The following ROBO1 variants were observed in gnomAD, a reference collection of about 807,000 sequenced individuals.
ROBO1 encodes roundabout homolog 1.
A neutral mutation model predicts 195.9 loss-of-function variants in ROBO1; 149 were observed. That is an observed-to-expected ratio of 0.76 (90% confidence interval 0.67 to 0.87). ROBO1 has a LOEUF of 0.87. Among genes scored for constraint, ROBO1 ranks in the 40% least tolerant of loss-of-function variants. The pLI is 0.00. For synonymous variants in ROBO1, 816 were observed against 733.2 expected, an observed-to-expected ratio of 1.11 and a Z score of -1.82; for missense variants, 1,933 against 2,068.3, an observed-to-expected ratio of 0.93 and a Z score of 1.27.
chr3:79,298,789 G>A (rs550901377), intron 2 of ROBO1, among the ~76,000 whole-genome samples: 1 of 152,060 alleles, frequency 6.6e-6, no homozygotes, highest in African/African-American at 2.4e-5. Flanking sequence ...AAATAATTTG[G>A]ATTTTATTTA....
chr3:79,173,927 A>G lies in ROBO1; in HGVS notation c.89-48388T>C, dbSNP rs1022021036. 1.6e-4 allele frequency among the ~76,000 whole-genome samples: 25 copies of G among 152,206 alleles called. 1 individual carries two copies. Among genetic ancestry groups the G allele is most frequent in the Middle Eastern group, 6.8e-3 (2 of 294 alleles). ...TAGCTCAGGGTTTGTGAATGCACCAATTGACACTCTGTATCTAGCTACTCT... is the reference window on the plus strand; with the variant it reads ...TAGCTCAGGGTTTGTGAATGCACCAGTTGACACTCTGTATCTAGCTACTCT... On this transcript the variant is annotated intron_variant, in intron 2 of 30. Coordinates refer to ENST00000464233, the MANE Select transcript of ROBO1 (RefSeq NM_002941.4).
chr3:79,362,854 C>CT (rs1274997435), intron 2 of ROBO1, among the ~76,000 whole-genome samples: 3 of 152,228 alleles, frequency 2.0e-5, no homozygotes, highest in African/African-American at 7.2e-5. Context: ...AACTCAAATG[C>CT]TGGGATGATA....
intron 3 of ROBO1, among the ~76,000 whole-genome samples, chr3:78,953,051 T>A (rs184422555): frequency 2.0e-4 from 30 of 152,146 alleles, no homozygotes; most frequent in African/African-American, 7.2e-4. Context: ...CCCAGAGATA[T>A]GAAAAAGATT....
chr3:78,970,019 G>T (rs1294744920), intron 3 of ROBO1, among the ~76,000 whole-genome samples: 2 of 152,058 alleles, frequency 1.3e-5, no homozygotes, highest in Non-Finnish European at 2.9e-5. Flanking sequence ...GAAAGAGAAT[G>T]ACCTACAAAT....
At chr3:79,182,086 T>A (rs1204168487) in intron 2 of ROBO1, among the ~76,000 whole-genome samples, 4 of 152,142 alleles carry the variant, frequency 2.6e-5, no homozygotes, top group African/African-American at 4.8e-5. Flanking sequence ...TTGTTTGTAT[T>A]TATCTTTGCT....
chr3:79,397,228 A>G (rs2106755499), intron 2 of ROBO1, among the ~76,000 whole-genome samples: 1 of 150,558 alleles, frequency 6.6e-6, no homozygotes, highest in East Asian at 1.9e-4. Context: ...GTATATATAT[A>G]CACTTAATAA....
At chr3:78,835,991 A>C (rs1354773301) in intron 4 of ROBO1, among the ~76,000 whole-genome samples, 1 of 152,208 alleles carries the variant, frequency 6.6e-6, no homozygotes, top group Non-Finnish European at 1.5e-5. Context: ...TACACAAATT[A>C]GTGATGTGGG....
intron 3 of ROBO1, among the ~76,000 whole-genome samples, chr3:78,992,359 G>A (rs1245989731): frequency 6.6e-6 from 1 of 152,110 alleles, no homozygotes; most frequent in Non-Finnish European, 1.5e-5. Context: ...CAATAAGACT[G>A]ATGGGAAGGG....
At chr3:79,642,024 G>T (rs979735162) in intron 1 of ROBO1, among the ~76,000 whole-genome samples, 4 of 151,888 alleles carry the variant, frequency 2.6e-5, no homozygotes, top group East Asian at 1.9e-4. Context: ...GTTTTGTTTT[G>T]TTTTTTGTTT....
rs528415737 is a variant in ROBO1 at position 79,673,449 on chromosome 3, G to A, written c.-50-83488C>T. On this transcript the variant is annotated intron_variant, in intron 1 of 30. Transcript: ENST00000464233. ...GTCCCAGGTTTAAATAACAGGTACT[G>A]GCTAGGTGGAACTTGAGCATCATGA... Among the ~76,000 whole-genome samples, 5 of 152,014 alleles carry A rather than the reference G, an allele frequency of 3.3e-5. No individual in the cohort carries two copies. In the South Asian group the frequency reaches 1.0e-3, roughly 32 times the overall value.
At chr3:79,102,896 TA>T (rs1164414487) in intron 3 of ROBO1, among the ~76,000 whole-genome samples, 1 of 151,806 alleles carries the variant, frequency 6.6e-6, no homozygotes, top group Non-Finnish European at 1.5e-5. Context: ...TAAGAATAGT[TA>T]ACTAGATTAT....
At chr3:78,800,643 G>A (rs1417747066) in intron 4 of ROBO1, among the ~76,000 whole-genome samples, 8 of 152,044 alleles carry the variant, frequency 5.3e-5, no homozygotes, top group African/African-American at 1.7e-4. Flanking sequence ...TGCAACCTCC[G>A]CCACCTGGGT....
intron 2 of ROBO1, among the ~76,000 whole-genome samples, chr3:79,380,375 G>T (rs1361101511): frequency 6.6e-6 from 1 of 151,890 alleles, no homozygotes; most frequent in African/African-American, 2.4e-5. Context: ...TATAAAATGG[G>T]GAAAAATGAT....
chr3:79,539,315 C>T (rs147015374), intron 2 of ROBO1, among the ~76,000 whole-genome samples: 1 of 151,958 alleles, frequency 6.6e-6, no homozygotes, highest in African/African-American at 2.4e-5. Context: ...GGAACATGCA[C>T]ATAAACGTTA....
At chr3:78,979,113 C>T (rs2076940052) in intron 3 of ROBO1, among the ~76,000 whole-genome samples, 2 of 152,104 alleles carry the variant, frequency 1.3e-5, no homozygotes, top group Admixed American at 6.6e-5. Flanking sequence ...TTCTTATGGA[C>T]GGGTGCTGTG....
chr3:79,162,735 A>G (rs548467609), intron 2 of ROBO1, among the ~76,000 whole-genome samples: 2 of 152,276 alleles, frequency 1.3e-5, no homozygotes, highest in African/African-American at 2.4e-5. Context: ...TCTGTGAAAC[A>G]TTGTCTTACT....
chr3:79,182,763 G>T (rs971789876), intron 2 of ROBO1, among the ~76,000 whole-genome samples: 1 of 152,182 alleles, frequency 6.6e-6, no homozygotes, highest in African/African-American at 2.4e-5. Flanking sequence ...CTTCTCCCAC[G>T]AATGGTACCT....
chr3:78,602,318 C>T (rs1314638310), intron 29 of ROBO1, among the ~76,000 whole-genome samples: 1 of 152,106 alleles, frequency 6.6e-6, no homozygotes, highest in African/African-American at 2.4e-5. Context: ...CCTGCTTTCA[C>T]CATGTGATGT....
chr3:79,001,305 AC>A (rs905662277), intron 3 of ROBO1, among the ~76,000 whole-genome samples: 6 of 151,948 alleles, frequency 3.9e-5, no homozygotes, highest in African/African-American at 9.7e-5. Flanking sequence ...AATAAATAAA[AC>A]CATCAGATCT....
Sources: allele counts gnomAD v4.1 joint callset (sites outside exome capture counted in the v4.1 genomes callset), GRCh38; gene constraint gnomAD v4.1.1; transcripts MANE v1.5; gene names NCBI Gene and HGNC (gene_info 2026-07-23, HGNC 2026-07-21).